The following ASXL1 variants were observed in gnomAD, a reference collection of about 807,000 sequenced individuals.
The protein encoded by ASXL1 is polycomb group protein ASXL1.
A neutral mutation model predicts 89.1 loss-of-function variants in ASXL1; 65 were observed. The ratio of observed to expected loss-of-function variants is 0.73; its 90% CI spans 0.60 to 0.90. The LOEUF is 0.90. ASXL1 is among the 40% of genes least tolerant of loss of function. The pLI is 0.00. For synonymous variants in ASXL1, 739 were observed against 746.9 expected, an observed-to-expected ratio of 0.99 and a Z score of 0.17; for missense variants, 1,786 against 1,942.9, an observed-to-expected ratio of 0.92 and a Z score of 1.52.
chr20:32,389,622 G>A (rs2048638150), intron 4 of ASXL1, among the ~76,000 whole-genome samples: 1 of 152,090 alleles, frequency 6.6e-6, no homozygotes, highest in Non-Finnish European at 1.5e-5. Flanking sequence ...GTCTCGCTCT[G>A]TTGTCCAGGC....
chr20:32,432,071 A>G (rs1600579929), intron 10 of ASXL1, among the ~76,000 whole-genome samples: 1 of 152,122 alleles, frequency 6.6e-6, no homozygotes, highest in East Asian at 1.9e-4. Flanking sequence ...TATTAATTTA[A>G]TTTTGTGGGG....
At chr20:32,399,222 A>G (rs1305247298) in intron 4 of ASXL1, among the ~76,000 whole-genome samples, 1 of 152,198 alleles carries the variant, frequency 6.6e-6, no homozygotes, top group African/African-American at 2.4e-5. Flanking sequence ...AAGAAAAAAA[A>G]AAGAATACGT....
intron 4 of ASXL1, among the ~76,000 whole-genome samples, chr20:32,394,736 C>T (rs541695649): frequency 1.0e-3 from 152 of 150,098 alleles, no homozygotes; most frequent in South Asian, 6.7e-3. Context: ...TTTTTTGAGA[C>T]GGAGTCTCAC....
chr20:32,367,723 A>G lies in ASXL1; in HGVS notation c.141-4A>G, dbSNP rs190311116. 9.0e-6 allele frequency: 7 copies of G among 780,892 alleles called. No homozygotes were observed. The highest frequency in any genetic ancestry group is 7.3e-5 in the East Asian group (3 of 41,248). 48.4% of individuals were successfully genotyped at this position (780,892 alleles called of 1,614,324 possible). ...GCACTGCTGTTGGACCACTTTGCCTATAGAAGGTAAATGAGTCCCTTTGGG... is the reference window on the plus strand; with the variant it reads ...GCACTGCTGTTGGACCACTTTGCCTGTAGAAGGTAAATGAGTCCCTTTGGG... On this transcript the variant is annotated splice_polypyrimidine_tract_variant and splice_region_variant and intron_variant, in intron 2 of 12. Coordinates refer to ENST00000375687, the MANE Select transcript of ASXL1 (RefSeq NM_015338.6).
At chr20:32,365,199 A>G (rs2048185438) in intron 1 of ASXL1, among the ~76,000 whole-genome samples, 1 of 152,228 alleles carries the variant, frequency 6.6e-6, no homozygotes, top group Non-Finnish European at 1.5e-5. Flanking sequence ...GGGAGAAGTC[A>G]GAGCTAGAGG....
Position 32,439,155 on chromosome 20 carries a change from A to G in ASXL1, c.*1817A>G, listed in dbSNP as rs983646583. ...AAGCGTCTGTTTACCAAAGACCGGG[A>G]ACAGGGGCCCAAACATGTCCAGTCC... On this transcript the variant is annotated 3_prime_UTR_variant, in exon 13 of 13. Transcript: ENST00000375687. 4.3e-6 allele frequency: 1 copy of G among 233,498 alleles called. No individual in the cohort carries two copies. Among genetic ancestry groups the G allele is most frequent in the Non-Finnish European group, 8.5e-6 (1 of 118,002 alleles). The allele number at this position is 233,498 out of a possible 1,614,324, so 14.5% of individuals were successfully genotyped here.
At chr20:32,379,885 A>G (rs1168702883) in intron 4 of ASXL1, among the ~76,000 whole-genome samples, 1 of 152,116 alleles carries the variant, frequency 6.6e-6, no homozygotes. Context: ...ATTATACTTC[A>G]TGTGATGATA....
chr20:32,418,617 C>G (rs1194708855), intron 4 of ASXL1, among the ~76,000 whole-genome samples: 1 of 152,048 alleles, frequency 6.6e-6, no homozygotes, highest in Non-Finnish European at 1.5e-5. Flanking sequence ...TCCTCCTAGT[C>G]CCTAGCATCA....
chr20:32,359,139 C>A (rs1414768853), intron 1 of ASXL1: 1 of 628,418 alleles, frequency 1.6e-6, no homozygotes, highest in Non-Finnish European at 2.9e-6. Flanking sequence ...TCCCCTCCCC[C>A]ACTATTTGGC....
chr20:32,378,258 C>T (rs1311493776), intron 4 of ASXL1, among the ~76,000 whole-genome samples: 2 of 151,036 alleles, frequency 1.3e-5, no homozygotes, highest in Non-Finnish European at 2.9e-5. Flanking sequence ...GGGCTCAAGC[C>T]ATCTGCCCAC....
intron 12 of ASXL1, chr20:32,434,223 GA>G: frequency 1.4e-6 from 1 of 717,142 alleles, no homozygotes; most frequent in East Asian, 2.7e-5. Context: ...ATTAAATTTA[GA>G]AGTGTGGCAT....
chr20:32,387,561 A>G (rs2048600766), intron 4 of ASXL1, among the ~76,000 whole-genome samples: 2 of 152,200 alleles, frequency 1.3e-5, no homozygotes, highest in African/African-American at 4.8e-5. Flanking sequence ...CCTGATGCAC[A>G]CTTTAAATAA....
At position 32,409,676 on chromosome 20, in the gene ASXL1, C is replaced by T. The variant is rs149428256; in HGVS notation, c.253-18452C>T. Among the ~76,000 whole-genome samples, 34 of 152,162 alleles carry T rather than the reference C, an allele frequency of 2.2e-4. 2 individuals are homozygous for T. The East Asian group carries it at 6.2e-3, about 28-fold the overall frequency. ...ATCGCTTGAGCCTAGGAGTTGAAGG[C>T]TGCAGTATGCCATGATCAACCCTGT... On this transcript the variant is annotated intron_variant, in intron 4 of 12. Transcript: ENST00000375687.
At position 32,437,005 on chromosome 20, in the gene ASXL1, C is replaced by T. The variant is rs1487959223; in HGVS notation, c.4293C>T (p.Pro1431=). The change falls in exon 13 of 13, where the codon CCC becomes CCT. Residue 1431 remains proline (P), a synonymous_variant. Transcript: ENST00000375687. ...AGCCTCTGGAGCCTTCTTCTCTCCCCTCCCAACTCAGCATCAAGCAGGCAT... is the reference window on the plus strand; with the variant it reads ...AGCCTCTGGAGCCTTCTTCTCTCCCTTCCCAACTCAGCATCAAGCAGGCAT... ...LSEPLEPSSL[P]SQLSIKQAFY... is the part of the protein sequence containing the mutation. 1.2e-6 allele frequency: 2 copies of T among 1,614,138 alleles called. No homozygotes were observed. Among genetic ancestry groups the T allele is most frequent in the Non-Finnish European group, 1.7e-6 (2 of 1,180,032 alleles).
intron 4 of ASXL1, among the ~76,000 whole-genome samples, chr20:32,401,090 A>G (rs187936427): frequency 2.0e-5 from 3 of 152,236 alleles, no homozygotes; most frequent in African/African-American, 4.8e-5. Context: ...AACATTTTAC[A>G]TAACCATAGT....
At chr20:32,397,451 G>A (rs1284158375) in intron 4 of ASXL1, among the ~76,000 whole-genome samples, 4 of 134,132 alleles carry the variant, frequency 3.0e-5, no homozygotes, top group African/African-American at 5.6e-5. Flanking sequence ...CCAGGCTGGA[G>A]TGCAGTGGCA....
At chr20:32,361,041 C>G (rs1350452637) in intron 1 of ASXL1, among the ~76,000 whole-genome samples, 2 of 152,004 alleles carry the variant, frequency 1.3e-5, no homozygotes, top group African/African-American at 2.4e-5. Flanking sequence ...GCCACCGCGC[C>G]CAGCCTATGA....
At chr20:32,393,788 A>C (rs1026218281) in intron 4 of ASXL1, among the ~76,000 whole-genome samples, 1 of 151,306 alleles carries the variant, frequency 6.6e-6, no homozygotes, top group Non-Finnish European at 1.5e-5. Context: ...ATTTTTATAG[A>C]GTTTAAACAA....
chr20:32,377,972 C>G (rs79160351), intron 4 of ASXL1, among the ~76,000 whole-genome samples: 13 of 115,340 alleles, frequency 1.1e-4, no homozygotes, highest in East Asian at 3.1e-4. Context: ...AGTTTTGACT[C>G]TGTGTGTGTG....
Sources: gnomAD v4.1 joint callset for allele counts (sites outside exome capture counted in the v4.1 genomes callset) on GRCh38, gnomAD v4.1.1 for gene constraint, MANE v1.5 for transcripts, NCBI Gene and HGNC (gene_info 2026-07-23, HGNC 2026-07-21) for gene names.